CP: variants seen among roughly 807,000 people sequenced by gnomAD.
The protein encoded by CP is ceruloplasmin, also known as caeruloplasmin.
CP carries 64 observed loss-of-function variants against 122.4 expected under a neutral mutation model. The ratio of observed to expected loss-of-function variants is 0.52; its 90% CI spans 0.43 to 0.64. CP has a LOEUF of 0.64. Among genes scored for constraint, CP ranks in the 30% least tolerant of loss-of-function variants. The pLI, the probability that CP is intolerant of heterozygous loss-of-function variation, is 0.00. For missense variants in CP, 1,167 were observed against 1,284.4 expected (o/e 0.91, Z 1.40); for synonymous variants, 440 against 436.4 (o/e 1.01, Z -0.10).
At chr3:149,196,402 A>G (rs1316978058) in intron 9 of CP, among the ~76,000 whole-genome samples, 1 of 152,214 alleles carries the variant, frequency 6.6e-6, no homozygotes, top group Non-Finnish European at 1.5e-5. Context: ...AAAGGCCCAG[A>G]AACAATTGTT....
chr3:149,217,558 C>T (rs1728548420), intron 1 of CP, among the ~76,000 whole-genome samples: 1 of 152,138 alleles, frequency 6.6e-6, no homozygotes, highest in African/African-American at 2.4e-5. Context: ...ATAAAAGTTT[C>T]CTCCCTGCCC....
intron 1 of CP, among the ~76,000 whole-genome samples, chr3:149,213,611 A>G (rs1031623006): frequency 2.7e-5 from 4 of 150,664 alleles, no homozygotes; most frequent in African/African-American, 9.8e-5. Context: ...CCATTTGAAT[A>G]AAAACTGCTC....
Position 149,179,713 on chromosome 3 carries a change from C to CACACAT in CP, c.2555-52_2555-51insATGTGT, listed in dbSNP as rs757411496. ...CTGGTTGTATTTGGTTTATATTGTA[C>CACACAT]ACACACACACACACACACACACACA... On this transcript the variant is annotated intron_variant, in intron 14 of 18. Coordinates refer to ENST00000264613, the MANE Select transcript of CP (RefSeq NM_000096.4). The CACACAT allele has an allele frequency of 3.7e-5, 10 of 268,366 alleles. No individual in the cohort carries two copies. In the East Asian group the frequency reaches 6.1e-4, roughly 16 times the overall value. 16.6% of individuals were successfully genotyped at this position (268,366 alleles called of 1,614,324 possible).
intron 2 of CP, among the ~76,000 whole-genome samples, 181 bp from the exon 3 acceptor site, chr3:149,210,560 C>T (rs1244634996): frequency 6.6e-6 from 1 of 152,108 alleles, no homozygotes; most frequent in Non-Finnish European, 1.5e-5. Flanking sequence ...TGTGTAGAAG[C>T]TTCACAGACA....
chr3:149,207,237 C>T (rs955739861), intron 5 of CP, 126 bp downstream of exon 5: 2 of 1,049,598 alleles, frequency 1.9e-6, no homozygotes, highest in Non-Finnish European at 2.9e-6. Context: ...TATATACCAT[C>T]ATAGGGATAA....
chr3:149,185,590 ATCCTTTTGCTGTT>A, intron 11 of CP, 144 bp from the exon 12 acceptor site: 1 of 729,384 alleles, frequency 1.4e-6, no homozygotes, highest in Admixed American at 2.6e-5. Context: ...TGCTCCATCC[ATCCTTTTGCTGTT>A]CTTAGAGCAG....
intron 3 of CP, among the ~76,000 whole-genome samples, 193 bp downstream of exon 3, chr3:149,209,974 G>A (rs1305655681): frequency 6.6e-6 from 1 of 152,040 alleles, no homozygotes; most frequent in South Asian, 2.1e-4. Flanking sequence ...CATTTTCCCC[G>A]TAGGAATGCT....
intron 18 of CP, among the ~76,000 whole-genome samples, chr3:149,173,974 AC>A (rs1251980095): frequency 6.6e-6 from 1 of 152,168 alleles, no homozygotes; most frequent in Non-Finnish European, 1.5e-5. Flanking sequence ...TACAATGGAG[AC>A]ACCTGGCAGA....
At chr3:149,202,581 T>TTTG (rs891753397) in intron 6 of CP, among the ~76,000 whole-genome samples, 2 of 151,690 alleles carry the variant, frequency 1.3e-5, no homozygotes, top group South Asian at 2.1e-4. Context: ...TGGCTAGTTT[T>TTTG]TTGTTGTTGT....
chr3:149,180,636 C>T (rs777361820), intron 14 of CP, among the ~76,000 whole-genome samples: 12 of 152,148 alleles, frequency 7.9e-5, no homozygotes, highest in African/African-American at 2.7e-4. Flanking sequence ...ATGTGGTAGA[C>T]GTCTTACTTT....
At chr3:149,220,928 T>C (rs1263623218) in intron 1 of CP, among the ~76,000 whole-genome samples, 1 of 152,214 alleles carries the variant, frequency 6.6e-6, no homozygotes, top group African/African-American at 2.4e-5. Context: ...AACTAAACTT[T>C]TTGTTTTACT....
chr3:149,179,486 C>T, intron 15 of CP, 70 bp downstream of exon 15: 1 of 1,186,334 alleles, frequency 8.4e-7, no homozygotes, highest in Non-Finnish European at 1.3e-6. Context: ...CAGGAAAACA[C>T]TAACCTTGTC....
At chr3:149,204,212 T>C (rs1727542799) in intron 6 of CP, among the ~76,000 whole-genome samples, 1 of 152,146 alleles carries the variant, frequency 6.6e-6, no homozygotes, top group Non-Finnish European at 1.5e-5. Flanking sequence ...GAGAAGCATT[T>C]GAAAGATTTA....
chr3:149,193,472 G>A (rs562289679), intron 9 of CP, among the ~76,000 whole-genome samples: 1 of 152,068 alleles, frequency 6.6e-6, no homozygotes, highest in East Asian at 1.9e-4. Context: ...ATATGTTTAA[G>A]TGTATAAAGC....
chr3:149,204,966 A>G (rs1163094378), intron 6 of CP, among the ~76,000 whole-genome samples: 1 of 152,138 alleles, frequency 6.6e-6, no homozygotes, highest in East Asian at 1.9e-4. Context: ...CTGATAAGGA[A>G]TTAATATCCT....
intron 1 of CP, among the ~76,000 whole-genome samples, chr3:149,219,970 C>A (rs1440459684): frequency 1.3e-5 from 2 of 152,166 alleles, no homozygotes; most frequent in African/African-American, 4.8e-5. Context: ...GTCCATTAAA[C>A]CTCTTTTTCT....
intron 14 of CP, among the ~76,000 whole-genome samples, chr3:149,181,511 A>G (rs1725772867): frequency 6.6e-6 from 1 of 152,210 alleles, no homozygotes; most frequent in Non-Finnish European, 1.5e-5. Flanking sequence ...TATTAAAGAA[A>G]ATGCTCACCT....
rs34987997 is a variant in CP, at chr3:149,178,500, T to C, written c.2793A>G (p.Leu931=). 2.1e-3 allele frequency: 3,373 copies of C among 1,613,506 alleles called. 11 individuals are homozygous for C. The highest frequency in any genetic ancestry group is 0.016 in the Middle Eastern group (95 of 6,058). ...CAGAGTATGTTTTGATGTTGTCATCTAAGTACCAAGATTCATTCTCATCAA... is the reference window on the plus strand; with the variant it reads ...CAGAGTATGTTTTGATGTTGTCATCCAAGTACCAAGATTCATTCTCATCAA... The part of the protein sequence containing the change: ...LVFDENESWY[L]DDNIKTYSDH... Residue 931 remains leucine (L), a synonymous_variant, in exon 16 of 19, where the codon TTA becomes TTG. Coordinates refer to ENST00000264613, the MANE Select transcript of CP (RefSeq NM_000096.4).
rs779537237 is a variant in CP at position 149,206,281 on chromosome 3, A to G, written c.1095T>C (p.Asn365=). 2.5e-6 allele frequency: 4 copies of G among 1,614,048 alleles called. No individual in the cohort carries two copies. The highest frequency in any genetic ancestry group is 2.5e-6 in the Non-Finnish European group (3 of 1,179,910). Residue 365 remains asparagine, a synonymous_variant, in exon 6 of 19, where the codon AAT becomes AAC. Transcript: ENST00000264613. ...QECNKSSSKD[N]IRGKHVRHYY... ...AGTGTCTAACATGCTTCCCACGGATATTATCCTTTGATGAAGACTTGTTAC... is the reference window on the plus strand; with the variant it reads ...AGTGTCTAACATGCTTCCCACGGATGTTATCCTTTGATGAAGACTTGTTAC...
Sources: allele counts gnomAD v4.1 joint callset (sites outside exome capture counted in the v4.1 genomes callset), GRCh38; gene constraint gnomAD v4.1.1; transcripts MANE v1.5; gene names NCBI Gene and HGNC (gene_info 2026-07-23, HGNC 2026-07-21).